GPM6A: variants seen among roughly 807,000 people sequenced by gnomAD.
The protein encoded by GPM6A is glycoprotein M6A.
A neutral mutation model predicts 32.1 loss-of-function variants in GPM6A; 7 were observed. The observed-to-expected ratio is 0.22, with a 90% CI of 0.12 to 0.41. The LOEUF is 0.41. Among genes scored for constraint, GPM6A ranks in the 10% least tolerant of loss-of-function variants. GPM6A has a pLI of 1.00. For missense variants in GPM6A, 235 were observed against 347.2 expected (o/e 0.68, Z 2.57); for synonymous variants, 130 against 123.4 (o/e 1.05, Z -0.35).
intron 1 of GPM6A, among the ~76,000 whole-genome samples, chr4:175,817,373 G>T (rs1735138919): frequency 6.6e-6 from 1 of 152,164 alleles, no homozygotes; most frequent in East Asian, 1.9e-4. Flanking sequence ...ATTGATGTAG[G>T]CAAAAGGGAT....
intron 2 of GPM6A, among the ~76,000 whole-genome samples, chr4:175,682,669 C>G (rs1207185808): frequency 6.6e-6 from 1 of 152,174 alleles, no homozygotes; most frequent in Non-Finnish European, 1.5e-5. Context: ...ATGCTCCAAC[C>G]ATGGCTCAAA....
chr4:175,849,218 C>A (rs1468640611), intron 1 of GPM6A, among the ~76,000 whole-genome samples: 2 of 152,124 alleles, frequency 1.3e-5, no homozygotes, highest in African/African-American at 2.4e-5. Context: ...TTCAATTATT[C>A]AATATCCATG....
intron 1 of GPM6A, among the ~76,000 whole-genome samples, chr4:175,833,067 T>G (rs905542651): frequency 6.6e-6 from 1 of 151,968 alleles, no homozygotes; most frequent in Non-Finnish European, 1.5e-5. Context: ...AAGGAGTGAG[T>G]GTAAGGAGTA....
intron 1 of GPM6A, among the ~76,000 whole-genome samples, chr4:175,721,041 T>TATA (rs1746095164): frequency 4.7e-5 from 2 of 42,652 alleles, no homozygotes; most frequent in Non-Finnish European, 1.2e-4. Context: ...ACATATATAT[T>TATA]ATATATATAT....
chr4:175,667,329 T>C (rs1027523278), intron 3 of GPM6A, among the ~76,000 whole-genome samples: 4 of 152,142 alleles, frequency 2.6e-5, no homozygotes, highest in African/African-American at 9.6e-5. Context: ...AATCTAATCA[T>C]GAGAAAAACA....
intron 2 of GPM6A, among the ~76,000 whole-genome samples, chr4:175,700,954 C>T (rs981196459): frequency 6.6e-6 from 1 of 152,010 alleles, no homozygotes; most frequent in African/African-American, 2.4e-5. Flanking sequence ...GTTTAAGTTA[C>T]TTTTCTAAAA....
chr4:175,912,796 C>T (rs1738363618), intron 1 of GPM6A, among the ~76,000 whole-genome samples: 1 of 152,214 alleles, frequency 6.6e-6, no homozygotes, highest in South Asian at 2.1e-4. Context: ...TGCACCTACA[C>T]CCTAGAATGA....
chr4:175,939,043 T>C (rs898921978), intron 1 of GPM6A, among the ~76,000 whole-genome samples: 2 of 152,030 alleles, frequency 1.3e-5, no homozygotes, highest in African/African-American at 2.4e-5. Context: ...ATGCTAAATA[T>C]AAATAAACAA....
At chr4:175,968,287 T>C (rs1040258982) in intron 1 of GPM6A, among the ~76,000 whole-genome samples, 20 of 152,086 alleles carry the variant, frequency 1.3e-4, no homozygotes, top group African/African-American at 4.8e-4. Context: ...AAGGACATCA[T>C]AGACCTAAAT....
intron 2 of GPM6A, among the ~76,000 whole-genome samples, chr4:175,697,151 G>A (rs1744625120): frequency 6.6e-6 from 1 of 152,170 alleles, no homozygotes; most frequent in African/African-American, 2.4e-5. Context: ...ATGCTTATGA[G>A]TAAGACTGTT....
At chr4:175,686,873 C>T (rs1744009674) in intron 2 of GPM6A, among the ~76,000 whole-genome samples, 1 of 152,192 alleles carries the variant, frequency 6.6e-6, no homozygotes, top group African/African-American at 2.4e-5. Flanking sequence ...TTTATTAGAA[C>T]ACAGTGGTTT....
intron 1 of GPM6A, among the ~76,000 whole-genome samples, chr4:175,963,273 C>G (rs1279210863): frequency 6.6e-6 from 1 of 151,876 alleles, no homozygotes; most frequent in African/African-American, 2.4e-5. Context: ...TTTCCCAAAA[C>G]TAATAACAGA....
At chr4:175,688,438 C>T (rs1259217380) in intron 2 of GPM6A, among the ~76,000 whole-genome samples, 2 of 151,492 alleles carry the variant, frequency 1.3e-5, no homozygotes, top group East Asian at 3.9e-4. Flanking sequence ...TTTCCAGCAT[C>T]CTTTATTGAA....
At chr4:175,702,114 TTA>T (rs1744913119) in intron 1 of GPM6A, among the ~76,000 whole-genome samples, 3 of 152,238 alleles carry the variant, frequency 2.0e-5, no homozygotes, top group Non-Finnish European at 4.4e-5. Flanking sequence ...TGTCACATGC[TTA>T]TGGTTTTATT....
At chr4:175,723,015 C>T (rs148305301) in intron 1 of GPM6A, among the ~76,000 whole-genome samples, 409 of 152,256 alleles carry the variant, frequency 2.7e-3, no homozygotes, top group African/African-American at 9.1e-3. Context: ...TGTCACTGCA[C>T]TCCAGCCTGG....
intron 1 of GPM6A, among the ~76,000 whole-genome samples, chr4:175,802,252 A>G (rs1734500865): frequency 6.6e-6 from 1 of 152,128 alleles, no homozygotes; most frequent in East Asian, 1.9e-4. Flanking sequence ...TTTAACAAGA[A>G]TTCATTCTCA....
intron 1 of GPM6A, among the ~76,000 whole-genome samples, chr4:175,986,189 T>C (rs921591270): frequency 1.3e-5 from 2 of 152,116 alleles, no homozygotes; most frequent in Non-Finnish European, 2.9e-5. Context: ...AAATTTCAGC[T>C]CTTTAACCAT....
chr4:175,694,956 C>G (rs1013297293), intron 2 of GPM6A, among the ~76,000 whole-genome samples: 4 of 152,190 alleles, frequency 2.6e-5, no homozygotes, highest in Non-Finnish European at 5.9e-5. Flanking sequence ...CCCAGCTACT[C>G]CCACTCCAGC....
chr4:175,809,804 G>A (rs560677441), intron 1 of GPM6A, among the ~76,000 whole-genome samples: 2 of 152,118 alleles, frequency 1.3e-5, no homozygotes, highest in Non-Finnish European at 2.9e-5. Flanking sequence ...TAAACACCAA[G>A]TATATATATT....
Sources: allele counts gnomAD v4.1 joint callset (sites outside exome capture counted in the v4.1 genomes callset), GRCh38; gene constraint gnomAD v4.1.1; transcripts MANE v1.5; gene names NCBI Gene and HGNC (gene_info 2026-07-23, HGNC 2026-07-21).